XYLT1: variants seen among roughly 807,000 people sequenced by gnomAD.
XYLT1 encodes beta-D-xylosyltransferase 1.
Under a neutral mutation model 91.3 loss-of-function variants are expected in XYLT1, and 36 were observed. That is an observed-to-expected ratio of 0.39 (90% CI 0.30 to 0.52). XYLT1 has a LOEUF of 0.52. XYLT1 is among the 20% of genes least tolerant of loss of function. XYLT1 has a pLI of 0.68. For missense variants in XYLT1, 1,242 were observed against 1,284.5 expected (o/e 0.97, Z 0.51); for synonymous variants, 588 against 532.0 (o/e 1.11, Z -1.45).
chr16:17,447,132 A>C (rs1182775049), intron 1 of XYLT1, among the ~76,000 whole-genome samples: 1 of 152,184 alleles, frequency 6.6e-6, no homozygotes, highest in African/African-American at 2.4e-5. Context: ...ACTGTTAGCA[A>C]GATAATTTCT....
At chr16:17,282,960 A>AAC (rs1567355341) in intron 2 of XYLT1, among the ~76,000 whole-genome samples, 1 of 151,146 alleles carries the variant, frequency 6.6e-6, no homozygotes, top group Non-Finnish European at 1.5e-5. Flanking sequence ...GCAATAAGTC[A>AAC]CCCCCCCCAA....
intron 2 of XYLT1, among the ~76,000 whole-genome samples, chr16:17,332,324 G>A (rs1015517223): frequency 1.3e-5 from 2 of 152,220 alleles, no homozygotes; most frequent in Admixed American, 1.3e-4. Context: ...CACTTTGGAA[G>A]GCTGAAGCGG....
chr16:17,190,578 G>A (rs77944347), intron 5 of XYLT1, among the ~76,000 whole-genome samples: 17,005 of 151,850 alleles, frequency 0.11, 1,275 homozygotes, highest in Non-Finnish European at 0.17. Flanking sequence ...GTTTGCCAAG[G>A]ATGATGGTTT....
At chr16:17,181,290 C>CA (rs1346749612) in intron 5 of XYLT1, among the ~76,000 whole-genome samples, 3 of 152,130 alleles carry the variant, frequency 2.0e-5, no homozygotes, top group African/African-American at 7.2e-5. Flanking sequence ...CAGACTTCCT[C>CA]AAAGGCAGGT....
chr16:17,365,159 G>A (rs1355256691), intron 1 of XYLT1, among the ~76,000 whole-genome samples: 3 of 152,102 alleles, frequency 2.0e-5, no homozygotes, highest in Non-Finnish European at 4.4e-5. Context: ...CCCCACTTTG[G>A]TGAAGAGATT....
chr16:17,239,265 C>T (rs1168787428), intron 3 of XYLT1, among the ~76,000 whole-genome samples: 1 of 151,392 alleles, frequency 6.6e-6, no homozygotes, highest in African/African-American at 2.4e-5. Flanking sequence ...ACTCACCCAC[C>T]CAGTCCATCC....
intron 3 of XYLT1, among the ~76,000 whole-genome samples, chr16:17,202,679 C>G (rs1053117374): frequency 2.0e-5 from 3 of 152,204 alleles, no homozygotes; most frequent in African/African-American, 7.2e-5. Context: ...CTCTTTTACT[C>G]TCTTTCACCT....
chr16:17,366,446 T>G (rs1428577936), intron 1 of XYLT1, among the ~76,000 whole-genome samples: 1 of 152,226 alleles, frequency 6.6e-6, no homozygotes. Flanking sequence ...CTCAAGCCTG[T>G]AATCCGTGGA....
chr16:17,332,278 C>G (rs1245882013), intron 2 of XYLT1, among the ~76,000 whole-genome samples: 1 of 152,150 alleles, frequency 6.6e-6, no homozygotes, highest in African/African-American at 2.4e-5. Context: ...AAACACACAC[C>G]AGGCTGGGTG....
In XYLT1 at chr16:17,115,340, C is replaced by T. The variant is rs931642021; in HGVS notation, c.2557+2306G>A. Among the ~76,000 whole-genome samples the T allele has an allele frequency of 9.6e-4, 75 of 77,986 alleles. 1 individual carries two copies. The East Asian group carries it at 0.024, about 25-fold the overall frequency. The allele number at this position is 77,986 out of a possible 152,430, so 51.2% of individuals were successfully genotyped here. On this transcript the variant is annotated intron_variant, in intron 11 of 11. Coordinates refer to ENST00000261381, the MANE Select transcript of XYLT1 (RefSeq NM_022166.4). ...AAAAAAAAAAAAAAAAAAAAAAAGC[C>T]GGGCATGGTGGCACACTCGTGTAGT...
chr16:17,369,988 G>C (rs2035509616), intron 1 of XYLT1, among the ~76,000 whole-genome samples: 1 of 152,212 alleles, frequency 6.6e-6, no homozygotes, highest in African/African-American at 2.4e-5. Flanking sequence ...CTCAGAGACA[G>C]GAAGATGGGA....
intron 8 of XYLT1, among the ~76,000 whole-genome samples, chr16:17,135,301 C>T (rs1306888335): frequency 2.6e-5 from 4 of 152,142 alleles, no homozygotes; most frequent in Non-Finnish European, 5.9e-5. Context: ...CCACCATGCC[C>T]TATTGCCTCT....
intron 3 of XYLT1, among the ~76,000 whole-genome samples, chr16:17,251,784 C>G (rs1234034637): frequency 3.3e-5 from 5 of 152,180 alleles, no homozygotes; most frequent in Non-Finnish European, 7.3e-5. Flanking sequence ...CAGAGATGCA[C>G]CCTTCACCCA....
chr16:17,305,525 T>C (rs2034458592), intron 2 of XYLT1, among the ~76,000 whole-genome samples: 2 of 151,324 alleles, frequency 1.3e-5, no homozygotes, highest in Admixed American at 1.3e-4. Flanking sequence ...AAGCGATTCT[T>C]CTGCCTCAGC....
chr16:17,338,798 T>C (rs1343100643), intron 2 of XYLT1, among the ~76,000 whole-genome samples: 1 of 152,176 alleles, frequency 6.6e-6, no homozygotes, highest in African/African-American at 2.4e-5. Context: ...TTGGTCAGGC[T>C]GGTCTTAAAC....
chr16:17,196,998 G>A (rs2032438277), intron 5 of XYLT1, among the ~76,000 whole-genome samples: 3 of 124,038 alleles, frequency 2.4e-5, no homozygotes, highest in South Asian at 2.5e-4. Flanking sequence ...GTGACAGAGC[G>A]AGACTCTGTC....
chr16:17,407,200 C>T (rs2036044685), intron 1 of XYLT1, among the ~76,000 whole-genome samples: 1 of 152,072 alleles, frequency 6.6e-6, no homozygotes, highest in South Asian at 2.1e-4. Context: ...GGGGTTTCGC[C>T]ATGTTGGCCA....
At chr16:17,407,770 G>A (rs1403729209) in intron 1 of XYLT1, among the ~76,000 whole-genome samples, 1 of 152,246 alleles carries the variant, frequency 6.6e-6, no homozygotes, top group East Asian at 1.9e-4. Context: ...CCTCTGCTAT[G>A]GCTTAGATGT....
At chr16:17,161,677 G>GCTCT (rs10676460) in intron 5 of XYLT1, among the ~76,000 whole-genome samples, 6,480 of 148,896 alleles carry the variant, frequency 0.044, 145 homozygotes, top group South Asian at 0.084. Flanking sequence ...TTTCTCGCGC[G>GCTCT]CTCTCTCTCT....
Sources: allele counts gnomAD v4.1 joint callset (sites outside exome capture counted in the v4.1 genomes callset), GRCh38; gene constraint gnomAD v4.1.1; transcripts MANE v1.5; gene names NCBI Gene and HGNC (gene_info 2026-07-23, HGNC 2026-07-21).